Variants in PPP2R2B observed in about 807,000 individuals in gnomAD.
The protein encoded by PPP2R2B is serine/threonine-protein phosphatase 2A 55 kDa regulatory subunit B beta isoform.
In PPP2R2B, 5 loss-of-function variants were observed where a neutral mutation model predicts 46.0. That is an observed-to-expected ratio of 0.11 (90% confidence interval 0.06 to 0.23). The LOEUF (loss-of-function observed/expected upper bound fraction) is 0.23. PPP2R2B is among the 10% of genes least tolerant of loss of function. PPP2R2B has a pLI of 1.00. For synonymous variants in PPP2R2B, 215 were observed against 206.7 expected, an observed-to-expected ratio of 1.04 and a Z score of -0.34; for missense variants, 367 against 575.0, an observed-to-expected ratio of 0.64 and a Z score of 3.70.
chr5:146,588,050 C>A lies in PPP2R2B; in HGVS notation c.*1897G>T, dbSNP rs1172958063. The A allele has an allele frequency of 6.6e-6, 1 of 152,196 alleles. No homozygotes were observed. Among genetic ancestry groups the A allele is most frequent in the Non-Finnish European group, 1.5e-5 (1 of 68,034 alleles). The allele number at this position is 152,196 out of a possible 1,614,324, so 9.4% of individuals were successfully genotyped here. Reference sequence around the variant, plus strand: ...CACTCTCTATGACTGGCAGAAGTTTCTGACTCTCTCATGTCTCCTCCAAGA... The same window carrying A: ...CACTCTCTATGACTGGCAGAAGTTTATGACTCTCTCATGTCTCCTCCAAGA... On this transcript the variant is annotated 3_prime_UTR_variant, in exon 10 of 10. Transcript: ENST00000394411.
chr5:146,939,301 C>T (rs1305717936), intron 1 of PPP2R2B, among the ~76,000 whole-genome samples: 4 of 152,124 alleles, frequency 2.6e-5, no homozygotes, highest in Non-Finnish European at 5.9e-5. Flanking sequence ...CCTCAGGGTA[C>T]CAGAGGGTCT....
At chr5:146,956,385 C>T (rs1010012996) in intron 1 of PPP2R2B, among the ~76,000 whole-genome samples, 2 of 152,166 alleles carry the variant, frequency 1.3e-5, no homozygotes, top group African/African-American at 4.8e-5. Context: ...ACTGTCATCA[C>T]AGAAAAATAA....
chr5:146,715,811 T>C (rs1021538611), intron 2 of PPP2R2B, among the ~76,000 whole-genome samples: 1 of 152,134 alleles, frequency 6.6e-6, no homozygotes, highest in East Asian at 1.9e-4. Context: ...CTGTATACTA[T>C]CTCTTCTTTT....
At chr5:146,724,941 A>C (rs1751763341) in intron 2 of PPP2R2B, among the ~76,000 whole-genome samples, 1 of 152,170 alleles carries the variant, frequency 6.6e-6, no homozygotes, top group Non-Finnish European at 1.5e-5. Flanking sequence ...GGGTTTTGAC[A>C]GTTAGGAAGG....
intron 1 of PPP2R2B, among the ~76,000 whole-genome samples, chr5:146,910,097 C>T (rs1034159585): frequency 6.6e-6 from 1 of 152,170 alleles, no homozygotes; most frequent in African/African-American, 2.4e-5. Flanking sequence ...GATTCTACAA[C>T]TTATCAGTTT....
At chr5:146,915,956 G>A (rs957213627) in intron 1 of PPP2R2B, among the ~76,000 whole-genome samples, 9 of 152,180 alleles carry the variant, frequency 5.9e-5, no homozygotes, top group Non-Finnish European at 1.3e-4. Flanking sequence ...CTCCAGGGGT[G>A]ATGGAAAAGT....
At chr5:146,973,764 A>G (rs1033602781) in intron 1 of PPP2R2B, among the ~76,000 whole-genome samples, 4 of 152,206 alleles carry the variant, frequency 2.6e-5, no homozygotes, top group African/African-American at 9.6e-5. Context: ...AACATCTTTG[A>G]CAAGGTTCTG....
chr5:146,953,886 C>T (rs1751750342), intron 1 of PPP2R2B, among the ~76,000 whole-genome samples: 2 of 152,058 alleles, frequency 1.3e-5, no homozygotes, highest in African/African-American at 4.8e-5. Context: ...CATTCAAAGC[C>T]AGAAAATGGG....
At chr5:146,902,363 A>G (rs1422841572) in intron 1 of PPP2R2B, among the ~76,000 whole-genome samples, 1 of 152,126 alleles carries the variant, frequency 6.6e-6, no homozygotes, top group Non-Finnish European at 1.5e-5. Flanking sequence ...ATGTCTCTCA[A>G]ACTCTGCCTA....
intron 7 of PPP2R2B, among the ~76,000 whole-genome samples, chr5:146,625,925 C>T (rs1305786716): frequency 6.6e-6 from 1 of 152,128 alleles, no homozygotes; most frequent in Admixed American, 6.5e-5. Context: ...GACTCATCTT[C>T]CTGCTGCTAG....
intron 2 of PPP2R2B, among the ~76,000 whole-genome samples, chr5:146,804,168 A>C: frequency 7.2e-6 from 1 of 138,572 alleles, no homozygotes; most frequent in African/African-American, 3.2e-5. Flanking sequence ...CTCTGTCTCA[A>C]AAAAAAAAAA....
At chr5:146,605,078 G>A (rs1772137673) in intron 7 of PPP2R2B, among the ~76,000 whole-genome samples, 1 of 152,140 alleles carries the variant, frequency 6.6e-6, no homozygotes, top group Non-Finnish European at 1.5e-5. Context: ...CATCTACTGA[G>A]CTTTTGTGCT....
At chr5:146,711,826 G>A (rs188142548) in intron 2 of PPP2R2B, among the ~76,000 whole-genome samples, 2 of 152,248 alleles carry the variant, frequency 1.3e-5, no homozygotes, top group East Asian at 3.9e-4. Flanking sequence ...GTACAATGTT[G>A]GGGAAAGGTT....
chr5:146,936,804 C>T (rs1764157813), intron 1 of PPP2R2B, among the ~76,000 whole-genome samples: 4 of 151,736 alleles, frequency 2.6e-5, no homozygotes, highest in Admixed American at 1.3e-4. Flanking sequence ...AAATAAAAGA[C>T]ATACTCTAAG....
chr5:146,610,190 C>G (rs1333487558), intron 7 of PPP2R2B, among the ~76,000 whole-genome samples: 1 of 35,750 alleles, frequency 2.8e-5, no homozygotes, highest in Admixed American at 3.1e-4. Context: ...TCCCTGACCC[C>G]TGACCCCCGA....
intron 5 of PPP2R2B, among the ~76,000 whole-genome samples, chr5:146,664,119 C>A (rs996855145): frequency 3.9e-5 from 6 of 152,136 alleles, no homozygotes; most frequent in Admixed American, 2.6e-4. Flanking sequence ...GGATTACAGG[C>A]ATGAGCCACC....
At chr5:146,832,964 G>A (rs1759054876) in intron 2 of PPP2R2B, among the ~76,000 whole-genome samples, 1 of 151,846 alleles carries the variant, frequency 6.6e-6, no homozygotes, top group African/African-American at 2.4e-5. Context: ...ACTGACGCAT[G>A]ACTGTGTGTA....
chr5:146,662,313 T>C (rs1022145478), intron 5 of PPP2R2B, among the ~76,000 whole-genome samples: 4 of 152,314 alleles, frequency 2.6e-5, no homozygotes, highest in Admixed American at 1.3e-4. Context: ...TAGATATCCA[T>C]AGAATGTCAG....
intron 1 of PPP2R2B, among the ~76,000 whole-genome samples, chr5:146,921,843 T>C (rs1490441737): frequency 6.6e-6 from 1 of 152,216 alleles, no homozygotes; most frequent in African/African-American, 2.4e-5. Context: ...CAAGTACTAC[T>C]ACTATTAATT....
Sources: allele counts gnomAD v4.1 joint callset (sites outside exome capture counted in the v4.1 genomes callset), GRCh38; gene constraint gnomAD v4.1.1; transcripts MANE v1.5; gene names NCBI Gene and HGNC (gene_info 2026-07-23, HGNC 2026-07-21).